The following MAD1L1 variants were observed in gnomAD, a reference collection of about 807,000 sequenced individuals.
MAD1L1 encodes mitotic spindle assembly checkpoint protein MAD1.
In MAD1L1, 95 loss-of-function variants were observed where a neutral mutation model predicts 96.9. That is an observed-to-expected ratio of 0.98 (90% CI 0.83 to 1.16). The LOEUF is 1.16. MAD1L1 is among the 50% of genes most tolerant of loss of function. The probability of loss-of-function intolerance (pLI) is 0.00; values close to 1 mark genes in which losing one functional copy is unlikely to be tolerated. For synonymous variants in MAD1L1, 473 were observed against 396.6 expected (o/e 1.19, Z -2.29); for missense variants, 1,007 against 954.4 (o/e 1.06, Z -0.73).
At position 1,914,490 on chromosome 7, in the gene MAD1L1, G is replaced by C. The variant is rs1423047441; in HGVS notation, c.1808-16100C>G. Among the ~76,000 whole-genome samples the C allele has an allele frequency of 2.6e-5, 4 of 152,234 alleles. No homozygotes were observed. In the East Asian group the frequency reaches 5.8e-4, roughly 22 times the overall value. On this transcript the variant is annotated intron_variant, in intron 17 of 18. Transcript: ENST00000265854. ...TGCCAAGGCACGTGGGTGCTTCTGG[G>C]AGCCAGAAAAGGCCGGATGTGGATT...
intron 18 of MAD1L1, among the ~76,000 whole-genome samples, chr7:1,819,551 C>G: frequency 6.6e-6 from 1 of 152,212 alleles, no homozygotes; most frequent in Non-Finnish European, 1.5e-5. Flanking sequence ...AACACGTGGG[C>G]CAGGGATTGT....
At chr7:2,149,482 T>A (rs867752470) in intron 10 of MAD1L1, among the ~76,000 whole-genome samples, 51 of 152,120 alleles carry the variant, frequency 3.4e-4, no homozygotes, top group African/African-American at 1.1e-3. Context: ...ACTTCACCTG[T>A]AGAAACAGAG....
At chr7:2,001,106 A>AAGGCCCTG (rs1781771379) in intron 14 of MAD1L1, among the ~76,000 whole-genome samples, 2 of 152,242 alleles carry the variant, frequency 1.3e-5, no homozygotes, top group African/African-American at 2.4e-5. Flanking sequence ...GGTGGAGAGG[A>AAGGCCCTG]AGGCCCTGAG....
intron 14 of MAD1L1, among the ~76,000 whole-genome samples, chr7:1,983,142 G>A (rs57849703): frequency 0.51 from 49,452 of 96,174 alleles, 8,486 homozygotes; most frequent in East Asian, 0.6. Context: ...ACGCGCGCGC[G>A]CGCGCGCGCG....
chr7:1,842,004 G>A (rs1227002700), intron 18 of MAD1L1, among the ~76,000 whole-genome samples: 1 of 152,208 alleles, frequency 6.6e-6, no homozygotes, highest in East Asian at 1.9e-4. Flanking sequence ...TCCTGTGGAC[G>A]CCACTTACCC....
In MAD1L1 at chr7:1,853,993, C is replaced by A. The variant is rs150673429; in HGVS notation, c.1999-37765G>T. ...CTCCTGCTGCCGCCAGCTCCCGGCG[C>A]CATTCTCATGCCGTGCACTGGGAGC... On this transcript the variant is annotated intron_variant, in intron 18 of 18. Transcript: ENST00000265854. Among the ~76,000 whole-genome samples, 591 of 152,348 alleles carry A rather than the reference C, an allele frequency of 3.9e-3. 3 individuals carry two copies. Among genetic ancestry groups the A allele is most frequent in the Middle Eastern group, 0.031 (9 of 294 alleles).
intron 15 of MAD1L1, among the ~76,000 whole-genome samples, chr7:1,973,949 C>T (rs753663756): frequency 1.3e-5 from 2 of 152,222 alleles, no homozygotes; most frequent in African/African-American, 2.4e-5. Flanking sequence ...GGGCAGGAGA[C>T]GCGCTCCCCG....
chr7:2,075,311 C>G (rs1387849755), intron 11 of MAD1L1, among the ~76,000 whole-genome samples: 1 of 152,170 alleles, frequency 6.6e-6, no homozygotes, highest in South Asian at 2.1e-4. Context: ...AGAGGCGCTC[C>G]GGCAAGATGG....
chr7:2,033,811 G>C (rs1478387422), intron 12 of MAD1L1, among the ~76,000 whole-genome samples: 2 of 152,232 alleles, frequency 1.3e-5, no homozygotes, highest in East Asian at 3.8e-4. Flanking sequence ...AGTAACAATT[G>C]CCTAAAAAGT....
intron 13 of MAD1L1, among the ~76,000 whole-genome samples, chr7:2,008,967 A>AG (rs1382342700): frequency 1.3e-5 from 2 of 152,152 alleles, no homozygotes; most frequent in African/African-American, 4.8e-5. Flanking sequence ...GGCTGTGGGG[A>AG]GAGGGTTTCA....
chr7:2,160,329 ATTTTT>A (rs58004689), intron 10 of MAD1L1, among the ~76,000 whole-genome samples: 4 of 109,714 alleles, frequency 3.6e-5, no homozygotes, highest in Admixed American at 2.0e-4. Context: ...ACTGGATCCT[ATTTTT>A]TTTTTTTTTT....
rs540710282 is a variant in MAD1L1, at chr7:2,001,217, G to A, written c.1416+848C>T. 4.6e-5 allele frequency among the ~76,000 whole-genome samples: 7 copies of A among 152,354 alleles called. No homozygotes were observed. In the East Asian group the frequency reaches 1.4e-3, roughly 29 times the overall value. Reference sequence around the variant, plus strand: ...CTGCAGGCCCTGGGGTCCGTACAACGCCGACAGCAGCTCTGCCTGTGACCC... The same window carrying A: ...CTGCAGGCCCTGGGGTCCGTACAACACCGACAGCAGCTCTGCCTGTGACCC... On this transcript the variant is annotated intron_variant, in intron 14 of 18. Transcript: ENST00000265854.
intron 15 of MAD1L1, among the ~76,000 whole-genome samples, chr7:1,976,573 G>A (rs1164700483): frequency 3.3e-5 from 5 of 152,260 alleles, no homozygotes; most frequent in African/African-American, 7.2e-5. Flanking sequence ...ACTGCGAAGA[G>A]TGAAAGAACA....
intron 18 of MAD1L1, among the ~76,000 whole-genome samples, chr7:1,822,306 CGAAAGGAATA>C (rs1281663953): frequency 6.6e-6 from 1 of 151,498 alleles, no homozygotes. Flanking sequence ...TGAAAGGAAT[CGAAAGGAATA>C]AAAAGAATGT....
At chr7:2,172,534 G>C (rs1007289197) in intron 10 of MAD1L1, among the ~76,000 whole-genome samples, 1 of 152,220 alleles carries the variant, frequency 6.6e-6, no homozygotes, top group Non-Finnish European at 1.5e-5. Context: ...CCTGCACCGT[G>C]TGCTTCCCAG....
intron 17 of MAD1L1, among the ~76,000 whole-genome samples, chr7:1,918,811 G>A (rs1046023372): frequency 9.2e-5 from 14 of 152,224 alleles, no homozygotes; most frequent in African/African-American, 2.9e-4. Flanking sequence ...CCCACCTGAG[G>A]AGACCACAGC....
chr7:2,206,322 A>C (rs1295471192), intron 10 of MAD1L1, among the ~76,000 whole-genome samples: 1 of 152,152 alleles, frequency 6.6e-6, no homozygotes, highest in Non-Finnish European at 1.5e-5. Context: ...TTGAGAGCAG[A>C]AGTTTTCAAT....
chr7:2,144,395 C>T (rs1168293497), intron 11 of MAD1L1, among the ~76,000 whole-genome samples: 1 of 152,224 alleles, frequency 6.6e-6, no homozygotes, highest in East Asian at 1.9e-4. Flanking sequence ...AGAGGCCCCG[C>T]TCCCGCCACC....
chr7:1,980,791 G>A (rs539833473), intron 14 of MAD1L1: 105 of 605,144 alleles, frequency 1.7e-4, no homozygotes, highest in African/African-American at 1.7e-3. Flanking sequence ...GGCTCACGGT[G>A]AGGTGTGTGG....
Sources: allele counts gnomAD v4.1 joint callset (sites outside exome capture counted in the v4.1 genomes callset), GRCh38; gene constraint gnomAD v4.1.1; transcripts MANE v1.5; gene names NCBI Gene and HGNC (gene_info 2026-07-23, HGNC 2026-07-21).